TMEM132D: variants seen among roughly 807,000 people sequenced by gnomAD.
TMEM132D encodes mature OL transmembrane protein.
A neutral mutation model predicts 62.3 loss-of-function variants in TMEM132D; 21 were observed. The ratio of observed to expected loss-of-function variants is 0.34; its 90% confidence interval spans 0.24 to 0.49. The LOEUF is 0.49. Ranked by LOEUF, TMEM132D falls within the 20% of genes least tolerant of loss-of-function variation. The probability of loss-of-function intolerance (pLI) is 0.99; values close to 1 mark genes in which losing one functional copy is unlikely to be tolerated. For missense variants in TMEM132D, 1,346 were observed against 1,402.8 expected, an observed-to-expected ratio of 0.96 and a Z score of 0.65; for synonymous variants, 621 against 575.6, an observed-to-expected ratio of 1.08 and a Z score of -1.13.
In TMEM132D at chr12:129,318,520, A is replaced by G. The variant is rs535210162; in HGVS notation, c.1299+19114T>C. Among the ~76,000 whole-genome samples the G allele has an allele frequency of 2.0e-5, 3 of 152,278 alleles. No homozygotes were observed. In the South Asian group the frequency reaches 6.2e-4, roughly 32 times the overall value. On this transcript the variant is annotated intron_variant, in intron 4 of 8. Transcript: ENST00000422113. Reference sequence around the variant, plus strand: ...CCATCTATGGGTCTCTCATCCATGGATAACAGTGGCTGTTCCAGTGGAGGT... The same window carrying G: ...CCATCTATGGGTCTCTCATCCATGGGTAACAGTGGCTGTTCCAGTGGAGGT...
intron 4 of TMEM132D, among the ~76,000 whole-genome samples, chr12:129,285,606 A>T (rs542939447): frequency 4.5e-4 from 68 of 151,350 alleles, no homozygotes; most frequent in South Asian, 8.4e-4. Flanking sequence ...ACCAGCTACC[A>T]TTGGTGTATT....
intron 2 of TMEM132D, among the ~76,000 whole-genome samples, chr12:129,686,788 A>G (rs1186006319): frequency 1.3e-5 from 2 of 152,144 alleles, no homozygotes; most frequent in Admixed American, 1.3e-4. Context: ...CTGTCTTCCT[A>G]CATTTCTTGG....
intron 5 of TMEM132D, among the ~76,000 whole-genome samples, chr12:129,146,468 A>T (rs1474242680): frequency 6.6e-6 from 1 of 152,180 alleles, no homozygotes; most frequent in Non-Finnish European, 1.5e-5. Context: ...TAGTCTTTGA[A>T]AATTATGTGT....
chr12:129,697,742 C>A (rs933020638), intron 2 of TMEM132D, among the ~76,000 whole-genome samples: 3 of 152,156 alleles, frequency 2.0e-5, no homozygotes, highest in African/African-American at 7.2e-5. Flanking sequence ...AGACTTGGAG[C>A]CTCATATTGT....
At chr12:129,203,693 G>T (rs1052421603) in intron 5 of TMEM132D, among the ~76,000 whole-genome samples, 1 of 152,212 alleles carries the variant, frequency 6.6e-6, no homozygotes. Flanking sequence ...ATAGCCAGAC[G>T]TGTCACACCC....
intron 5 of TMEM132D, among the ~76,000 whole-genome samples, chr12:129,187,916 A>G (rs1878266197): frequency 6.6e-6 from 1 of 152,276 alleles, no homozygotes; most frequent in Non-Finnish European, 1.5e-5. Context: ...ACTTACTAAT[A>G]TGTTTCTTTA....
At chr12:129,800,604 C>G (rs1486401322) in intron 1 of TMEM132D, among the ~76,000 whole-genome samples, 1 of 152,118 alleles carries the variant, frequency 6.6e-6, no homozygotes, top group Admixed American at 6.5e-5. Flanking sequence ...GGCTGGAGGA[C>G]TCAGTAAACA....
intron 3 of TMEM132D, among the ~76,000 whole-genome samples, chr12:129,487,018 G>C: frequency 7.4e-6 from 1 of 135,448 alleles, no homozygotes; most frequent in Middle Eastern, 3.5e-3. Flanking sequence ...TGATGTCTGC[G>C]AATGTTTGCG....
intron 7 of TMEM132D, among the ~76,000 whole-genome samples, chr12:129,079,635 G>A (rs1874389695): frequency 6.6e-6 from 1 of 152,088 alleles, no homozygotes; most frequent in African/African-American, 2.4e-5. Flanking sequence ...TCAAGTTTTT[G>A]GTGATATTTA....
intron 6 of TMEM132D, among the ~76,000 whole-genome samples, chr12:129,083,226 G>C (rs989317821): frequency 1.3e-5 from 2 of 152,168 alleles, no homozygotes; most frequent in African/African-American, 4.8e-5. Context: ...AGGCAGAGAG[G>C]GCCAGGATGC....
chr12:129,176,235 A>G lies in TMEM132D; in HGVS notation c.1443+33285T>C, dbSNP rs889131042. Reference sequence around the variant, plus strand: ...TTGCCACCAGGTATCTGCTCAGTGTATGAGTGGTGGCAAAATCTCCCTCAC... The same window carrying G: ...TTGCCACCAGGTATCTGCTCAGTGTGTGAGTGGTGGCAAAATCTCCCTCAC... On this transcript the variant is annotated intron_variant, in intron 5 of 8. Transcript: ENST00000422113. Among the ~76,000 whole-genome samples the G allele has an allele frequency of 3.3e-5, 5 of 152,206 alleles. 1 individual carries two copies. In the South Asian group the frequency reaches 8.3e-4, roughly 25 times the overall value.
intron 1 of TMEM132D, among the ~76,000 whole-genome samples, chr12:129,838,413 A>G (rs1873073793): frequency 6.6e-6 from 1 of 152,174 alleles, no homozygotes; most frequent in Non-Finnish European, 1.5e-5. Flanking sequence ...CATTTATAAA[A>G]CTTTGTCTGT....
At chr12:129,518,318 T>C (rs753944248) in intron 3 of TMEM132D, among the ~76,000 whole-genome samples, 5 of 152,124 alleles carry the variant, frequency 3.3e-5, no homozygotes, top group Admixed American at 6.5e-5. Context: ...GACTCTAAGA[T>C]CATGAGAACA....
At chr12:129,622,986 A>C (rs961721588) in intron 2 of TMEM132D, among the ~76,000 whole-genome samples, 1 of 152,174 alleles carries the variant, frequency 6.6e-6, no homozygotes, top group Non-Finnish European at 1.5e-5. Flanking sequence ...GAGGTAATGT[A>C]AGTTCATCCG....
intron 2 of TMEM132D, among the ~76,000 whole-genome samples, chr12:129,685,447 C>CA (rs1403137427): frequency 2.0e-5 from 3 of 152,180 alleles, no homozygotes; most frequent in African/African-American, 7.2e-5. Flanking sequence ...ATTGAGCCTG[C>CA]AGGTGCACAG....
At chr12:129,621,418 T>C (rs1032644392) in intron 2 of TMEM132D, among the ~76,000 whole-genome samples, 4 of 152,166 alleles carry the variant, frequency 2.6e-5, no homozygotes, top group African/African-American at 9.7e-5. Flanking sequence ...ATGTTGTCTA[T>C]TCATGCACAT....
intron 2 of TMEM132D, among the ~76,000 whole-genome samples, chr12:129,628,283 T>C (rs166457): frequency 0.24 from 36,512 of 152,098 alleles, 4,555 homozygotes; most frequent in Admixed American, 0.29. Context: ...AAGAAATTGG[T>C]GGTTGCTACT....
intron 4 of TMEM132D, among the ~76,000 whole-genome samples, chr12:129,292,046 A>G (rs760378851): frequency 3.3e-5 from 5 of 152,186 alleles, no homozygotes; most frequent in Admixed American, 2.0e-4. Context: ...AGAAAGTATC[A>G]TGGGTTGGTA....
chr12:129,900,404 T>C (rs193266774), intron 1 of TMEM132D, among the ~76,000 whole-genome samples: 2 of 152,286 alleles, frequency 1.3e-5, no homozygotes, highest in Admixed American at 6.5e-5. Context: ...GCCCAGGCCA[T>C]TGGCTGCACT....
Sources: gnomAD v4.1 joint callset for allele counts (sites outside exome capture counted in the v4.1 genomes callset) on GRCh38, gnomAD v4.1.1 for gene constraint, MANE v1.5 for transcripts, NCBI Gene and HGNC (gene_info 2026-07-23, HGNC 2026-07-21) for gene names.